Variants in PDE6C observed in about 807,000 individuals in gnomAD.
The protein encoded by PDE6C is phosphodiesterase 6C, also known as cone cGMP-specific 3',5'-cyclic phosphodiesterase subunit alpha'.
A neutral mutation model predicts 113.1 loss-of-function variants in PDE6C; 75 were observed. The ratio of observed to expected loss-of-function variants is 0.66; its 90% confidence interval spans 0.55 to 0.80. PDE6C has a LOEUF of 0.80. PDE6C is among the 30% of genes least tolerant of loss of function. The pLI is 0.00. For synonymous variants in PDE6C, 375 were observed against 363.7 expected, an observed-to-expected ratio of 1.03 and a Z score of -0.35; for missense variants, 912 against 1,038.6, an observed-to-expected ratio of 0.88 and a Z score of 1.67.
intron 14 of PDE6C, among the ~76,000 whole-genome samples, chr10:93,644,561 C>G (rs964764135): frequency 1.3e-5 from 2 of 151,768 alleles, no homozygotes; most frequent in Non-Finnish European, 1.5e-5. Context: ...TGGGAATATT[C>G]AAATTATTCT....
At chr10:93,665,241 T>C in intron 21 of PDE6C, 119 bp from the exon 22 acceptor site, 2 of 814,652 alleles carry the variant, frequency 2.5e-6, no homozygotes, top group Admixed American at 1.8e-5. Context: ...CCACAGTACT[T>C]GCTAGGTTAA....
At chr10:93,634,170 C>T (rs896132486) in intron 8 of PDE6C, among the ~76,000 whole-genome samples, 13 of 152,094 alleles carry the variant, frequency 8.5e-5, no homozygotes, top group Middle Eastern at 6.8e-3. Context: ...TTACAGGTGC[C>T]CACCATCACG....
intron 8 of PDE6C, among the ~76,000 whole-genome samples, chr10:93,630,745 G>A (rs917038617): frequency 3.3e-5 from 5 of 152,212 alleles, no homozygotes; most frequent in African/African-American, 7.2e-5. Flanking sequence ...CCTCCTTAGC[G>A]GCAGAACCAC....
In PDE6C at chr10:93,612,621, T is replaced by C. The variant is rs923977032; in HGVS notation, c.-105T>C. 9 of 1,503,218 alleles carry C rather than the reference T, an allele frequency of 6.0e-6. No individual in the cohort carries two copies. In the African/African-American group the frequency reaches 1.2e-4, roughly 21 times the overall value. 93.1% of individuals were successfully genotyped at this position (1,503,218 alleles called of 1,614,324 possible). ...GTCCTATGAGGGACCATTTACGGTT[T>C]CCTCAGTAATTTCCACCAGGATGAA... On this transcript the variant is annotated 5_prime_UTR_variant, in exon 1 of 22. Transcript: ENST00000371447.
chr10:93,662,283 T>G (rs546256678), intron 19 of PDE6C, 150 bp downstream of exon 19: 1 of 690,570 alleles, frequency 1.4e-6, no homozygotes. Context: ...ACCAACATGG[T>G]GTAACCCCGT....
rs1297077810 is a variant in PDE6C at position 93,665,602 on chromosome 10, G to A, written c.*184G>A. 3 of 579,154 alleles carry A rather than the reference G, an allele frequency of 5.2e-6. No homozygotes were observed. In the African/African-American group the frequency reaches 5.7e-5, roughly 11 times the overall value. 35.9% of individuals were successfully genotyped at this position (579,154 alleles called of 1,614,324 possible). On this transcript the variant is annotated 3_prime_UTR_variant, in exon 22 of 22. Transcript: ENST00000371447. ...GGGCAAAATAAAGTTCAACAAAAGTGCAAAATATGACAAAAATAGGTACAT... is the reference window on the plus strand; with the variant it reads ...GGGCAAAATAAAGTTCAACAAAAGTACAAAATATGACAAAAATAGGTACAT...
At chr10:93,625,256 A>G (rs563634712) in intron 4 of PDE6C, among the ~76,000 whole-genome samples, 1 of 152,240 alleles carries the variant, frequency 6.6e-6, no homozygotes, top group Non-Finnish European at 1.5e-5. Context: ...TTAATTGTCT[A>G]TGAAAGAATT....
In PDE6C at chr10:93,635,559, G is replaced by A. The variant is rs200428306; in HGVS notation, c.1332G>A (p.Lys444=). Residue 444 remains lysine (K), a synonymous_variant, in exon 10 of 22, where the codon AAG becomes AAA. Transcript: ENST00000371447. ...CTGACACCTACGATAAGATGAATAA[G>A]CTAGAAAACAGAAAGGACATTGCTC... The part of the protein sequence containing the change: ...LNTDTYDKMN[K]LENRKDIAQE... 11 of 1,613,288 alleles carry A rather than the reference G, an allele frequency of 6.8e-6. No individual in the cohort carries two copies. The East Asian group carries it at 2.0e-4, about 29-fold the overall frequency.
chr10:93,661,819 G>A (rs943195304), intron 18 of PDE6C, among the ~76,000 whole-genome samples: 1 of 152,160 alleles, frequency 6.6e-6, no homozygotes, highest in African/African-American at 2.4e-5. Flanking sequence ...GGTGGCAATC[G>A]TAAATGGGAG....
chr10:93,654,903 C>T (rs544059826), intron 15 of PDE6C, among the ~76,000 whole-genome samples: 1 of 151,360 alleles, frequency 6.6e-6, no homozygotes, highest in Admixed American at 6.6e-5. Flanking sequence ...CAGTCCCCAG[C>T]GTTAAGCAAT....
chr10:93,649,584 A>T (rs78091192), intron 15 of PDE6C, among the ~76,000 whole-genome samples: 5,629 of 152,196 alleles, frequency 0.037, 133 homozygotes, highest in Middle Eastern at 0.088. Context: ...ATTGAAGTAT[A>T]TATACAATAA....
At chr10:93,632,856 A>G (rs542679385) in intron 8 of PDE6C, among the ~76,000 whole-genome samples, 1 of 152,216 alleles carries the variant, frequency 6.6e-6, no homozygotes, top group African/African-American at 2.4e-5. Context: ...TAGAGTAGTA[A>G]CAAATTACTT....
Position 93,655,790 on chromosome 10 carries a change from C to T in PDE6C, c.1966C>T (p.Arg656Trp), listed in dbSNP as rs376438891. 42 of 1,606,502 alleles carry T rather than the reference C, an allele frequency of 2.6e-5. No homozygotes were observed. The South Asian group carries it at 3.6e-4, about 14-fold the overall frequency. Residue 656 changes from arginine (R) to tryptophan (W), a missense_variant, in exon 16 of 22, where the codon CGG becomes TGG. Arg to Trp is a moderately radical substitution (Grantham distance 101). Coordinates refer to ENST00000371447, the MANE Select transcript of PDE6C (RefSeq NM_006204.4). ...SLNIFQNLNKRQFETVIHLFE... is the reference protein window; with the variant it reads ...SLNIFQNLNKWQFETVIHLFE... The stretch of plus-strand genomic sequence containing the variant: ...AAACATCTTCCAGAACCTAAATAAG[C>T]GGCAGTTTGAAACAGTTATTCATTT...
chr10:93,616,384 A>G (rs974286361), intron 1 of PDE6C, among the ~76,000 whole-genome samples: 11 of 152,188 alleles, frequency 7.2e-5, no homozygotes, highest in African/African-American at 2.7e-4. Context: ...TAGTATAGGG[A>G]GAGGGCTGTG....
intron 11 of PDE6C, among the ~76,000 whole-genome samples, chr10:93,638,166 A>C (rs1386221915): frequency 1.3e-5 from 2 of 152,084 alleles, no homozygotes; most frequent in African/African-American, 4.8e-5. Flanking sequence ...AACTGCTATA[A>C]CCTGTTTTCC....
intron 18 of PDE6C, among the ~76,000 whole-genome samples, chr10:93,659,703 C>T (rs1315532612): frequency 1.3e-5 from 2 of 152,156 alleles, no homozygotes; most frequent in Non-Finnish European, 2.9e-5. Context: ...AAAGATTTGT[C>T]CCCATGATCC....
intron 7 of PDE6C, among the ~76,000 whole-genome samples, chr10:93,628,097 T>G (rs903401465): frequency 5.9e-5 from 9 of 152,162 alleles, no homozygotes; most frequent in Non-Finnish European, 1.0e-4. Context: ...CCATGGAAAT[T>G]GGCAACTGAT....
At position 93,659,010 on chromosome 10, in the gene PDE6C, T is replaced by C; in HGVS notation, c.2144+2T>C. 1 of 1,578,236 alleles carries C rather than the reference T, an allele frequency of 6.3e-7. No individual in the cohort carries two copies. The highest frequency in any genetic ancestry group is 1.1e-5 in the South Asian group (1 of 90,380). On this transcript the variant is annotated splice_donor_variant, in intron 17 of 21. Coordinates refer to ENST00000371447, the MANE Select transcript of PDE6C (RefSeq NM_006204.4). LOFTEE classifies it high-confidence loss of function. ...TCCAACCAAGAAAGAGATTATCATG[T>C]AGGTAGTTGAAATTGTATTTCTCTC...
At chr10:93,614,177 A>G (rs1388174352) in intron 1 of PDE6C, among the ~76,000 whole-genome samples, 1 of 152,184 alleles carries the variant, frequency 6.6e-6, no homozygotes, top group Non-Finnish European at 1.5e-5. Context: ...ACAGAGTTGA[A>G]TGGGAACAAC....
Sources: gnomAD v4.1 joint callset for allele counts (sites outside exome capture counted in the v4.1 genomes callset) on GRCh38, gnomAD v4.1.1 for gene constraint, MANE v1.5 for transcripts, NCBI Gene and HGNC (gene_info 2026-07-23, HGNC 2026-07-21) for gene names.